The following MGA variants were observed in gnomAD, a reference collection of about 807,000 sequenced individuals.
MGA encodes the protein MAX dimerization protein MGA.
Under a neutral mutation model 261.1 loss-of-function variants are expected in MGA, and 40 were observed. That is an observed-to-expected ratio of 0.15 (90% CI 0.12 to 0.20). The LOEUF (loss-of-function observed/expected upper bound fraction) is 0.20, where lower values mean the gene tolerates loss of function less well. Among genes scored for constraint, MGA ranks in the 10% least tolerant of loss-of-function variants. The probability of loss-of-function intolerance (pLI) is 1.00; values close to 1 mark genes in which losing one functional copy is unlikely to be tolerated. For missense variants in MGA, 3,397 were observed against 3,630.5 expected, an observed-to-expected ratio of 0.94 and a Z score of 1.65; for synonymous variants, 1,302 against 1,290.6, an observed-to-expected ratio of 1.01 and a Z score of -0.19.
chr15:41,629,585 G>A (rs1236048529), intron 1 of MGA, among the ~76,000 whole-genome samples: 1 of 151,914 alleles, frequency 6.6e-6, no homozygotes, highest in Non-Finnish European at 1.5e-5. Context: ...AAAAAAATTA[G>A]CTGGGTGTGG....
rs115555099 is a variant in MGA, at chr15:41,643,064, A to T, written c.-68+21766A>T. ...ATTATAGGCATGTGTCACCACACTT[A>T]GCTAATTATTTTTTATTTTTTTTTT... On this transcript the variant is annotated intron_variant, in intron 1 of 8. Coordinates refer to the MGA transcript ENST00000566718. Among the ~76,000 whole-genome samples, 733 of 150,572 alleles carry T rather than the reference A, an allele frequency of 4.9e-3. 5 individuals carry two copies. Among genetic ancestry groups the T allele is most frequent in the African/African-American group, 0.017 (705 of 41,020 alleles).
At chr15:41,744,361 G>A (rs2098154973) in intron 15 of MGA, among the ~76,000 whole-genome samples, 1 of 151,940 alleles carries the variant, frequency 6.6e-6, no homozygotes, top group Non-Finnish European at 1.5e-5. Context: ...ATGCCACCAC[G>A]TCCAGCTAAT....
intron 1 of MGA, among the ~76,000 whole-genome samples, chr15:41,663,497 T>C (rs1357053010): frequency 2.0e-5 from 3 of 151,940 alleles, no homozygotes; most frequent in Non-Finnish European, 4.4e-5. Context: ...GTTGTTGTTG[T>C]TGTTGTTATT....
At chr15:41,635,434 G>C (rs1363710095) in intron 1 of MGA, among the ~76,000 whole-genome samples, 1 of 152,138 alleles carries the variant, frequency 6.6e-6, no homozygotes, top group Non-Finnish European at 1.5e-5. Context: ...ATAAGGCTGG[G>C]CGCGGTGGCT....
At chr15:41,761,129 G>T (rs1198877384) in intron 20 of MGA, among the ~76,000 whole-genome samples, 2 of 152,132 alleles carry the variant, frequency 1.3e-5, no homozygotes, top group Non-Finnish European at 2.9e-5. Context: ...CAGAAACTCT[G>T]GTTAGCCATG....
chr15:41,676,570 T>A (rs1437519733), intron 2 of MGA, among the ~76,000 whole-genome samples: 1 of 152,222 alleles, frequency 6.6e-6, no homozygotes, highest in Non-Finnish European at 1.5e-5. Flanking sequence ...TTTCTCAACA[T>A]TGTACATTCT....
At position 41,754,567 on chromosome 15, in the gene MGA, C is replaced by T. The variant is rs768068238; in HGVS notation, c.7139C>T (p.Pro2380Leu). The T allele has an allele frequency of 5.7e-6, 9 of 1,566,642 alleles. No homozygotes were observed. Among genetic ancestry groups the T allele is most frequent in the South Asian group, 2.4e-5 (2 of 83,424 alleles). Residue 2380 changes from proline to leucine, a missense_variant and splice_region_variant, in exon 18 of 24, where the codon CCG becomes CTG. By Grantham distance (98) the Pro-to-Leu change is moderately conservative (BLOSUM62 -3). This residue lies in a region of MGA where 1,410 missense variants were observed against 1,386.4 expected (regional missense o/e 1.02). Transcript: ENST00000219905. Reference sequence around the variant, plus strand: ...GCCCACACACAGTCATTCAAACAGCCGTAAGTCTTATTTCTCTTTGGATTG... The same window carrying T: ...GCCCACACACAGTCATTCAAACAGCTGTAAGTCTTATTTCTCTTTGGATTG...
At chr15:41,751,481 T>G (rs1016127994) in intron 17 of MGA, 1 of 152,136 alleles carries the variant, frequency 6.6e-6, no homozygotes, top group Non-Finnish European at 1.5e-5. Flanking sequence ...CCCAGCACTT[T>G]GGGAGGCCGA....
At chr15:41,742,504 A>G in intron 14 of MGA, 42 bp from the exon 15 acceptor site, 1 of 1,590,094 alleles carries the variant, frequency 6.3e-7, no homozygotes, top group Non-Finnish European at 8.6e-7. Flanking sequence ...AGGATAAAAT[A>G]TGAGAACTGA....
chr15:41,623,618 C>G (rs779689861), intron 1 of MGA, among the ~76,000 whole-genome samples: 3 of 151,632 alleles, frequency 2.0e-5, no homozygotes, highest in Admixed American at 6.6e-5. Flanking sequence ...GCGATGCATG[C>G]CTGTAATCAT....
chr15:41,757,624 C>T (rs1448948570), intron 18 of MGA, among the ~76,000 whole-genome samples, 164 bp from the exon 19 acceptor site: 4 of 152,124 alleles, frequency 2.6e-5, no homozygotes, highest in Admixed American at 2.0e-4. Flanking sequence ...ACTATTTGTA[C>T]ACTTTTAGAG....
Position 41,669,123 on chromosome 15 carries a change from G to A in MGA, c.229G>A (p.Val77Ile), listed in dbSNP as rs1410752674. The A allele has an allele frequency of 6.2e-7, 1 of 1,612,850 alleles. No individual in the cohort carries two copies. The highest frequency in any genetic ancestry group is 1.3e-5 in the African/African-American group (1 of 74,918). ...TGATTGTACTGTGGGTGGAATCACT[G>A]TTACCCTCGATAACAATAGTATGTG... Residue 77 changes from valine (V) to isoleucine (I), a missense_variant, in exon 2 of 24, where the codon GTT becomes ATT. Physicochemically the swap from Val to Ile is conservative, Grantham distance 29. Around this residue, in one of 9 missense-constraint regions of MGA, gnomAD observed 104 missense variants for 212.9 expected, o/e 0.49. Transcript: ENST00000219905.
rs777398019 is a variant in MGA, at chr15:41,766,729, G to C, written c.8647G>C (p.Gly2883Arg). The change falls in exon 24 of 24, where the codon GGT becomes CGT. Residue 2883 changes from glycine (G) to arginine (R), a missense_variant. Physicochemically the swap from Gly to Arg is moderately radical, Grantham distance 125. Coordinates refer to ENST00000219905, the MANE Select transcript of MGA (RefSeq NM_001164273.2). ...TTTCCAGGTTGAGCACTTGGGAACTGGTTTGAAAGAGTTGCCTGATGTTCA... is the reference window on the plus strand; with the variant it reads ...TTTCCAGGTTGAGCACTTGGGAACTCGTTTGAAAGAGTTGCCTGATGTTCA... 6.2e-7 allele frequency: 1 copy of C among 1,613,912 alleles called. No individual in the cohort carries two copies. Among genetic ancestry groups the C allele is most frequent in the Non-Finnish European group, 8.5e-7 (1 of 1,179,868 alleles).
chr15:41,708,980 T>G (rs1217222856), intron 7 of MGA, among the ~76,000 whole-genome samples: 1 of 152,218 alleles, frequency 6.6e-6, no homozygotes, highest in Non-Finnish European at 1.5e-5. Flanking sequence ...TTTTCTCACC[T>G]TTTGATCTTT....
intron 1 of MGA, among the ~76,000 whole-genome samples, chr15:41,628,812 T>C (rs1335240154): frequency 1.3e-5 from 2 of 152,192 alleles, no homozygotes; most frequent in Non-Finnish European, 2.9e-5. Context: ...ACCTAATTTA[T>C]GTTTTCAAAA....
At chr15:41,765,607 T>A (rs1417799348) in intron 23 of MGA, among the ~76,000 whole-genome samples, 2 of 152,236 alleles carry the variant, frequency 1.3e-5, no homozygotes, top group East Asian at 3.8e-4. Context: ...CTCTACCTGT[T>A]GCCAAACTCA....
chr15:41,652,580 C>T (rs1035001568), intron 1 of MGA, among the ~76,000 whole-genome samples: 7 of 150,714 alleles, frequency 4.6e-5, no homozygotes, highest in African/African-American at 1.7e-4. Context: ...ACTGTGTTGC[C>T]AGGCTGGTCT....
chr15:41,716,825 A>G (rs2060663038), intron 9 of MGA, among the ~76,000 whole-genome samples: 1 of 152,078 alleles, frequency 6.6e-6, no homozygotes, highest in South Asian at 2.1e-4. Flanking sequence ...TTTTTATTAT[A>G]TAGTTAATAT....
Position 41,766,492 on chromosome 15 carries a change from C to G in MGA, c.8410C>G (p.Leu2804Val). 6.2e-7 allele frequency: 1 copy of G among 1,613,964 alleles called. No homozygotes were observed. ...AACATCAGCTATAGAGGAAGCAGCT[C>G]TTGATTCCAGTGAACTGCTGACTAA... The change falls in exon 24 of 24, where the codon CTT (leucine) becomes GTT (valine). Residue 2804 changes from leucine (L) to valine (V), a missense_variant. Physicochemically the swap from Leu to Val is conservative, Grantham distance 32. Coordinates refer to ENST00000219905, the MANE Select transcript of MGA (RefSeq NM_001164273.2).
Sources: allele counts gnomAD v4.1 joint callset (sites outside exome capture counted in the v4.1 genomes callset), GRCh38; gene constraint gnomAD v4.1.1; regional missense constraint gnomAD v4.1.1; transcripts MANE v1.5; gene names NCBI Gene and HGNC (gene_info 2026-07-23, HGNC 2026-07-21).